The following CHM variants were observed in gnomAD, a reference collection of about 807,000 sequenced individuals.
CHM encodes the protein rab proteins geranylgeranyltransferase component A 1.
Under a neutral mutation model 49.0 loss-of-function variants are expected in CHM, and 10 were observed. The observed-to-expected ratio is 0.20, with a 90% CI of 0.13 to 0.35. The LOEUF (loss-of-function observed/expected upper bound fraction) is 0.35, where lower values mean the gene tolerates loss of function less well. CHM is among the 10% of genes least tolerant of loss of function. The pLI is 1.00. For synonymous variants in CHM, 184 were observed against 167.5 expected, an observed-to-expected ratio of 1.10 and a Z score of -0.76; for missense variants, 455 against 478.4, an observed-to-expected ratio of 0.95 and a Z score of 0.46.
intron 11 of CHM, among the ~76,000 whole-genome samples, chrX:85,899,306 C>A (rs1266952714): frequency 1.8e-5 from 2 of 111,192 alleles, no homozygotes; most frequent in Non-Finnish European, 1.9e-5. Context: ...TAAGTAAATA[C>A]CATAACCGGG....
intron 2 of CHM, among the ~76,000 whole-genome samples, chrX:86,007,061 G>A (rs1303543354): frequency 2.7e-5 from 3 of 111,445 alleles, no homozygotes; most frequent in South Asian, 3.8e-4. Flanking sequence ...CCAAAACAGA[G>A]ATATAAACCA....
intron 4 of CHM, among the ~76,000 whole-genome samples, chrX:85,973,044 T>C (rs1931036366): frequency 9.0e-6 from 1 of 110,718 alleles, no homozygotes; most frequent in African/African-American, 3.3e-5. Context: ...CTCATGCCTG[T>C]AATCCCAGCA....
intron 8 of CHM, among the ~76,000 whole-genome samples, chrX:85,912,770 T>C (rs1218462786): frequency 1.8e-5 from 2 of 111,026 alleles, no homozygotes; most frequent in Non-Finnish European, 3.8e-5. Context: ...CCCAGCACTT[T>C]GGGAGGCCGA....
intron 2 of CHM, chrX:86,019,755 CACAGTATAGT>C (rs1287926587): frequency 9.0e-6 from 1 of 111,485 alleles, no homozygotes; most frequent in Non-Finnish European, 1.9e-5. Context: ...ACAGCAATAG[CACAGTATAGT>C]AAGCAAGAAA....
intron 8 of CHM, among the ~76,000 whole-genome samples, chrX:85,920,067 T>C (rs932155805): frequency 2.7e-5 from 3 of 111,132 alleles, no homozygotes; most frequent in Non-Finnish European, 5.7e-5. Flanking sequence ...CGAGCAATAG[T>C]GGAAATCTTT....
intron 4 of CHM, chrX:85,971,705 T>C: frequency 6.0e-6 from 1 of 166,112 alleles, no homozygotes; most frequent in Non-Finnish European, 1.2e-5. Flanking sequence ...TTTATTGTCT[T>C]ATCTGGCCCC....
intron 1 of CHM, among the ~76,000 whole-genome samples, chrX:86,033,331 C>T (rs1934112682): frequency 1.8e-5 from 2 of 112,013 alleles, no homozygotes; most frequent in African/African-American, 3.2e-5. Context: ...CAGCTCAAAT[C>T]ATATGAAACC....
At chrX:85,909,858 C>T (rs1397870839) in intron 9 of CHM, among the ~76,000 whole-genome samples, 1 of 111,739 alleles carries the variant, frequency 8.9e-6, no homozygotes, top group Admixed American at 9.5e-5. Context: ...CATTATCTGG[C>T]TTTCTGTCAT....
chrX:85,942,891 T>C (rs767875227), intron 8 of CHM, among the ~76,000 whole-genome samples: 177 of 98,133 alleles, frequency 1.8e-3, no homozygotes, highest in African/African-American at 6.3e-3. Context: ...GGTATATCTC[T>C]TAATGCTATC....
intron 12 of CHM, among the ~76,000 whole-genome samples, chrX:85,882,016 G>GC (rs749681740): frequency 9.0e-6 from 1 of 111,268 alleles, no homozygotes; most frequent in East Asian, 2.8e-4. Flanking sequence ...CTGATACTTA[G>GC]ATTCCACTGA....
intron 1 of CHM, among the ~76,000 whole-genome samples, chrX:86,030,544 G>C (rs1272671435): frequency 3.6e-5 from 4 of 111,780 alleles, no homozygotes; most frequent in South Asian, 7.5e-4. Flanking sequence ...TAGGTAGTGA[G>C]AGGTTGCCAT....
At chrX:86,030,367 T>G (rs772613303) in intron 1 of CHM, among the ~76,000 whole-genome samples, 4 of 112,486 alleles carry the variant, frequency 3.6e-5, no homozygotes, top group African/African-American at 1.3e-4. Context: ...ATAATACAGT[T>G]AACAATGTCT....
At position 85,863,146 on chromosome X, in the gene CHM, G is replaced by A. The variant is rs1169304508; in HGVS notation, c.*1484C>T. The A allele has an allele frequency of 3.7e-5, 4 of 108,200 alleles. No individual in the cohort carries two copies. The highest frequency in any genetic ancestry group is 5.7e-5 in the Non-Finnish European group (3 of 52,240). The allele number at this position is 108,200 out of a possible 1,213,427, so 8.9% of individuals were successfully genotyped here. On this transcript the variant is annotated 3_prime_UTR_variant, in exon 15 of 15. Coordinates refer to ENST00000357749, the MANE Select transcript of CHM (RefSeq NM_000390.4). ...CTTGCTCTGTCACCCAGGCTGGAGT[G>A]CAGTGGCAAAATCTTGGCTCACTGC...
At chrX:86,011,906 G>A (rs1259003729) in intron 2 of CHM, among the ~76,000 whole-genome samples, 1 of 111,568 alleles carries the variant, frequency 9.0e-6, no homozygotes, top group Non-Finnish European at 1.9e-5. Flanking sequence ...TAAGGAAACC[G>A]ATTTTCCCCT....
intron 2 of CHM, among the ~76,000 whole-genome samples, chrX:85,988,864 G>A (rs1932044833): frequency 9.0e-6 from 1 of 111,649 alleles, no homozygotes; most frequent in Non-Finnish European, 1.9e-5. Flanking sequence ...CAAATAAAAT[G>A]TAAAAACATC....
chrX:86,043,626 A>G, intron 1 of CHM, among the ~76,000 whole-genome samples: 1 of 110,717 alleles, frequency 9.0e-6, no homozygotes, highest in Non-Finnish European at 1.9e-5. Flanking sequence ...CATTTCAGCT[A>G]CTTGGGAGGC....
intron 2 of CHM, among the ~76,000 whole-genome samples, chrX:85,999,978 C>T (rs973745290): frequency 9.0e-6 from 1 of 111,524 alleles, no homozygotes; most frequent in African/African-American, 3.3e-5. Flanking sequence ...AATCATCAAC[C>T]AATATCACTT....
At chrX:85,927,051 T>C (rs1928129660) in intron 8 of CHM, among the ~76,000 whole-genome samples, 1 of 111,813 alleles carries the variant, frequency 8.9e-6, no homozygotes, top group South Asian at 3.7e-4. Flanking sequence ...AATACCTGTG[T>C]CTGACTACTG....
intron 2 of CHM, among the ~76,000 whole-genome samples, chrX:86,017,328 C>A (rs779256865): frequency 1.8e-5 from 2 of 111,157 alleles, no homozygotes; most frequent in African/African-American, 6.6e-5. Flanking sequence ...GGGCCAAGGG[C>A]GGAATGATAT....
Sources: gnomAD v4.1 joint callset for allele counts (sites outside exome capture counted in the v4.1 genomes callset) on GRCh38, gnomAD v4.1.1 for gene constraint, MANE v1.5 for transcripts, NCBI Gene and HGNC (gene_info 2026-07-23, HGNC 2026-07-21) for gene names.